The following RTKN2 variants were observed in gnomAD, a reference collection of about 807,000 sequenced individuals.
The protein encoded by RTKN2 is rhotekin 2, also known as rhotekin-2.
RTKN2 carries 69 observed loss-of-function variants against 71.5 expected under a neutral mutation model. The ratio of observed to expected loss-of-function variants is 0.96; its 90% CI spans 0.79 to 1.18. The LOEUF (loss-of-function observed/expected upper bound fraction) is 1.18. Ranked by LOEUF, RTKN2 falls within the 50% of genes most tolerant of loss-of-function variation. The probability of loss-of-function intolerance (pLI) is 0.00; values close to 1 mark genes in which losing one functional copy is unlikely to be tolerated. For missense variants in RTKN2, 724 were observed against 719.7 expected, an observed-to-expected ratio of 1.01 and a Z score of -0.07; for synonymous variants, 236 against 236.5, an observed-to-expected ratio of 1.00 and a Z score of 0.02.
intron 10 of RTKN2, among the ~76,000 whole-genome samples, chr10:62,202,059 TA>T (rs1241307019): frequency 1.7e-4 from 25 of 149,206 alleles, no homozygotes; most frequent in Non-Finnish European, 4.4e-5. Context: ...AAATATTTTT[TA>T]AAAATTTAAT....
chr10:62,195,490 G>A lies in RTKN2; in HGVS notation c.*2418C>T. 1 of 921,856 alleles carries A rather than the reference G, an allele frequency of 1.1e-6. No homozygotes were observed. Among genetic ancestry groups the A allele is most frequent in the Non-Finnish European group, 1.3e-6 (1 of 772,340 alleles). The allele number at this position is 921,856 out of a possible 1,614,324, so 57.1% of individuals were successfully genotyped here. A position where few individuals can be genotyped will look rare whatever the true frequency, so the allele number is the denominator to read the frequency against. On this transcript the variant is annotated 3_prime_UTR_variant, in exon 12 of 12. Transcript: ENST00000373789. ...TAAAGGAAGGGAGGAAGGAGAGACA[G>A]AAGGAAAGTGGGAAAAGGGGATGAG...
intron 2 of RTKN2, among the ~76,000 whole-genome samples, chr10:62,246,916 T>C (rs568377744): frequency 6.6e-6 from 1 of 152,180 alleles, no homozygotes; most frequent in Non-Finnish European, 1.5e-5. Flanking sequence ...TCTTTGACTA[T>C]TTCCCTAATA....
At position 62,193,356 on chromosome 10, in the gene RTKN2, T is replaced by C. The variant is rs1841255117; in HGVS notation, c.*4552A>G. The C allele has an allele frequency of 1.0e-6, 1 of 980,886 alleles. No homozygotes were observed. The highest frequency in any genetic ancestry group is 6.2e-5 in the Admixed American group (1 of 16,252). The allele number at this position is 980,886 out of a possible 1,614,324, so 60.8% of individuals were successfully genotyped here. A position where few individuals can be genotyped will look rare whatever the true frequency, so the allele number is the denominator to read the frequency against. On this transcript the variant is annotated 3_prime_UTR_variant, in exon 12 of 12. Transcript: ENST00000373789. The stretch of plus-strand genomic sequence containing the variant: ...ATTTAAAACACAATTTTCCATAAGA[T>C]CTGGAATGATCTTTTCTAATTATTA...
At chr10:62,190,075 T>C (rs1841196556), downstream of RTKN2, among the ~76,000 whole-genome samples, 1 of 152,136 alleles carries the variant, frequency 6.6e-6, no homozygotes. Flanking sequence ...TTACATATGC[T>C]CAAATGTTCC....
chr10:62,193,009 A>G (rs1431939859), downstream of RTKN2, among the ~76,000 whole-genome samples: 2 of 152,160 alleles, frequency 1.3e-5, no homozygotes, highest in Non-Finnish European at 2.9e-5. Flanking sequence ...ACACATTTTA[A>G]TATTTGAGGT....
chr10:62,235,978 ATAAAG>A (rs1200059783), intron 6 of RTKN2, 83 bp downstream of exon 6: 14 of 972,610 alleles, frequency 1.4e-5, no homozygotes, highest in South Asian at 3.4e-5. Flanking sequence ...TTTTCCATTT[ATAAAG>A]TAAACATACA....
rs554950274 is a variant in RTKN2 at position 62,253,918 on chromosome 10, A to G, written c.258-7861T>C. The stretch of plus-strand genomic sequence containing the variant: ...CCACTGTATAGTTCTATTTATACTA[A>G]GTTCCAGAACAGGCAAAATTAACCT... On this transcript the variant is annotated intron_variant, in intron 2 of 11. Transcript: ENST00000373789. Among the ~76,000 whole-genome samples, 6 of 152,288 alleles carry G rather than the reference A, an allele frequency of 3.9e-5. No individual in the cohort carries two copies. In the South Asian group the frequency reaches 1.2e-3, roughly 32 times the overall value.
chr10:62,252,065 T>C (rs1218303558), intron 2 of RTKN2, among the ~76,000 whole-genome samples: 1 of 151,490 alleles, frequency 6.6e-6, no homozygotes, highest in Non-Finnish European at 1.5e-5. Flanking sequence ...GAGATAGAAA[T>C]AATATTTTTA....
intron 10 of RTKN2, among the ~76,000 whole-genome samples, chr10:62,202,169 C>T (rs1841457574): frequency 6.6e-6 from 1 of 152,140 alleles, no homozygotes; most frequent in Non-Finnish European, 1.5e-5. Context: ...TTTTACATGA[C>T]TGTTAACTCA....
At chr10:62,208,220 C>T (rs939532021) in intron 9 of RTKN2, among the ~76,000 whole-genome samples, 13 of 151,964 alleles carry the variant, frequency 8.6e-5, no homozygotes, top group South Asian at 6.2e-4. Flanking sequence ...TTTCCATATA[C>T]GTGGAAAATT....
chr10:62,235,070 A>G (rs1253645842), intron 6 of RTKN2, among the ~76,000 whole-genome samples: 1 of 152,156 alleles, frequency 6.6e-6, no homozygotes, highest in Non-Finnish European at 1.5e-5. Flanking sequence ...GCAATCAACT[A>G]AATTCAAAAT....
At chr10:62,258,017 C>T (rs940426408) in intron 2 of RTKN2, among the ~76,000 whole-genome samples, 1 of 152,142 alleles carries the variant, frequency 6.6e-6, no homozygotes, top group Non-Finnish European at 1.5e-5. Context: ...CCAAACACAA[C>T]TTAGAAAAAA....
intron 7 of RTKN2, among the ~76,000 whole-genome samples, chr10:62,219,113 C>T (rs990145069): frequency 6.6e-6 from 1 of 152,190 alleles, no homozygotes; most frequent in Non-Finnish European, 1.5e-5. Context: ...TTAGATAGAG[C>T]CCCCAACATG....
intron 2 of RTKN2, 119 bp downstream of exon 2, chr10:62,262,506 G>C: frequency 1.5e-6 from 1 of 655,668 alleles, no homozygotes; most frequent in South Asian, 2.4e-5. Flanking sequence ...CTACTTCAGT[G>C]TATTTGTTTT....
chr10:62,195,606 T>TGAATGAAGGAAGGAAG lies in RTKN2; in HGVS notation c.*2301_*2302insCTTCCTTCCTTCATTC, dbSNP rs1168688410. 2.7e-5 allele frequency: 8 copies of TGAATGAAGGAAGGAAG among 301,762 alleles called. No individual in the cohort carries two copies. Among genetic ancestry groups the TGAATGAAGGAAGGAAG allele is most frequent in the East Asian group, 2.0e-4 (1 of 4,996 alleles). 18.7% of individuals were successfully genotyped at this position (301,762 alleles called of 1,614,324 possible). A position where few individuals can be genotyped will look rare whatever the true frequency, so the allele number is the denominator to read the frequency against. The stretch of plus-strand genomic sequence containing the variant: ...GGGAAGGAGAGACGGACAGAGGGAA[T>TGAATGAAGGAAGGAAG]GAAGGAAGGAAGGAAGGAAGGAAGG... On this transcript the variant is annotated 3_prime_UTR_variant, in exon 12 of 12. Transcript: ENST00000373789.
At chr10:62,213,292 T>C (rs1297366700) in intron 9 of RTKN2, among the ~76,000 whole-genome samples, 2 of 150,122 alleles carry the variant, frequency 1.3e-5, no homozygotes, top group Non-Finnish European at 3.0e-5. Context: ...GAAGATTATG[T>C]TGGAGAGAGG....
intron 9 of RTKN2, among the ~76,000 whole-genome samples, chr10:62,211,701 C>T (rs2132856874): frequency 6.6e-6 from 1 of 152,234 alleles, no homozygotes; most frequent in Middle Eastern, 3.4e-3. Context: ...CACTCTGTCA[C>T]CCAGGCTGGA....
chr10:62,216,676 G>T (rs891206444), intron 9 of RTKN2, among the ~76,000 whole-genome samples: 3 of 152,036 alleles, frequency 2.0e-5, no homozygotes, highest in African/African-American at 7.2e-5. Context: ...AGGCTTTTCT[G>T]TTCTGTCAGA....
At chr10:62,264,836 A>ATTT (rs11357727) in intron 1 of RTKN2, among the ~76,000 whole-genome samples, 1 of 146,226 alleles carries the variant, frequency 6.8e-6, no homozygotes, top group African/African-American at 2.5e-5. Flanking sequence ...GGGCTTGAGC[A>ATTT]TTTTTTTTTT....
Sources: gnomAD v4.1 joint callset for allele counts (sites outside exome capture counted in the v4.1 genomes callset) on GRCh38, gnomAD v4.1.1 for gene constraint, MANE v1.5 for transcripts, NCBI Gene and HGNC (gene_info 2026-07-23, HGNC 2026-07-21) for gene names.